CNTLN: variants seen among roughly 807,000 people sequenced by gnomAD.
CNTLN encodes centlein.
A neutral mutation model predicts 180.0 loss-of-function variants in CNTLN; 212 were observed. That is an observed-to-expected ratio of 1.18 (90% CI 1.05 to 1.32). The LOEUF is 1.32. Among genes scored for constraint, CNTLN ranks in the 40% most tolerant of loss-of-function variants. The probability of loss-of-function intolerance (pLI) is 0.00; values close to 1 mark genes in which losing one functional copy is unlikely to be tolerated. For missense variants in CNTLN, 2,095 were observed against 1,610.9 expected (o/e 1.30, Z -5.14); for synonymous variants, 722 against 563.1 (o/e 1.28, Z -3.99).
At position 17,502,757 on chromosome 9, in the gene CNTLN, GTCAGGT is replaced by G. The variant is rs1833820357; in HGVS notation, c.*109_*114del. ...ACGGTATCTGCTCCAACTATCAATA[GTCAGGT>G]TCAATACCAAAATAAGAAGTCTCTG... is the stretch of plus-strand genomic sequence containing the variant. On this transcript the variant is annotated 3_prime_UTR_variant, in exon 26 of 26. Coordinates refer to ENST00000380647, the MANE Select transcript of CNTLN (RefSeq NM_017738.4). 3 of 453,840 alleles carry G rather than the reference GTCAGGT, an allele frequency of 6.6e-6. No individual in the cohort carries two copies. The East Asian group carries it at 1.1e-4, about 17-fold the overall frequency. The allele number at this position is 453,840 out of a possible 1,614,324, so 28.1% of individuals were successfully genotyped here. A position where few individuals can be genotyped will look rare whatever the true frequency, so the allele number is the denominator to read the frequency against.
intron 13 of CNTLN, among the ~76,000 whole-genome samples, chr9:17,386,523 C>G (rs1228358103): frequency 6.6e-6 from 1 of 152,124 alleles, no homozygotes; most frequent in African/African-American, 2.4e-5. Flanking sequence ...TTCCCAAATC[C>G]TGGGATCCTT....
At chr9:17,454,557 T>A (rs1400376199) in intron 18 of CNTLN, among the ~76,000 whole-genome samples, 2 of 152,216 alleles carry the variant, frequency 1.3e-5, no homozygotes, top group Non-Finnish European at 2.9e-5. Context: ...TATATACGTG[T>A]TAAAGTTTTA....
intron 2 of CNTLN, among the ~76,000 whole-genome samples, chr9:17,175,360 CT>C (rs1820656374): frequency 6.6e-6 from 1 of 151,662 alleles, no homozygotes; most frequent in Non-Finnish European, 1.5e-5. Flanking sequence ...CTTTTTTTGC[CT>C]GTGGATGTCT....
At chr9:17,521,265 AAGAGAGAGAGAGAG>A in the CNTLN span, among the ~76,000 whole-genome samples, 2 of 118,508 alleles carry the variant, frequency 1.7e-5, no homozygotes, top group African/African-American at 6.3e-5. Context: ...AAGGGAGAAA[AAGAGAGAGAGAGAG>A]AGAGAGAGAG....
intron 19 of CNTLN, among the ~76,000 whole-genome samples, chr9:17,460,702 A>C (rs1178051323): frequency 6.6e-6 from 1 of 151,812 alleles, no homozygotes; most frequent in Non-Finnish European, 1.5e-5. Flanking sequence ...TCTCCAAGTC[A>C]GAGTTAACAG....
At chr9:17,246,646 C>T (rs1183460869) in intron 5 of CNTLN, among the ~76,000 whole-genome samples, 1 of 152,164 alleles carries the variant, frequency 6.6e-6, no homozygotes, top group Non-Finnish European at 1.5e-5. Context: ...GCAAGTTTGC[C>T]CTGGCCATGT....
intron 23 of CNTLN, among the ~76,000 whole-genome samples, chr9:17,476,167 T>G (rs567036994): frequency 1.3e-5 from 2 of 152,156 alleles, no homozygotes; most frequent in Non-Finnish European, 2.9e-5. Context: ...GTTATTATTT[T>G]AATTGTTTTG....
At chr9:17,314,183 T>A (rs560818505) in intron 8 of CNTLN, among the ~76,000 whole-genome samples, 189 of 152,360 alleles carry the variant, frequency 1.2e-3, no homozygotes, top group Non-Finnish European at 1.8e-3. Context: ...ATATAAGTCC[T>A]TGTTATAGTA....
chr9:17,267,059 G>T (rs367898086), intron 5 of CNTLN, among the ~76,000 whole-genome samples: 2 of 152,108 alleles, frequency 1.3e-5, no homozygotes, highest in Non-Finnish European at 2.9e-5. Flanking sequence ...ATGTTGTTAT[G>T]TGTGAATTTG....
rs914940700 is a variant in CNTLN, at chr9:17,444,647, C to G, written c.3115-12877C>G. 2.6e-5 allele frequency among the ~76,000 whole-genome samples: 4 copies of G among 151,986 alleles called. No homozygotes were observed. In the South Asian group the frequency reaches 8.3e-4, roughly 32 times the overall value. ...CTTGATTAATAAAAATGGAAGAACA[C>G]CTAGACTTACCCTCTTACTAAAGAT... On this transcript the variant is annotated intron_variant, in intron 18 of 25. Coordinates refer to ENST00000380647, the MANE Select transcript of CNTLN (RefSeq NM_017738.4).
rs112674051 is a variant in CNTLN, at chr9:17,269,232, T to A, written c.850-4501T>A. On this transcript the variant is annotated intron_variant, in intron 5 of 25. Transcript: ENST00000380647. ...TTCCAAATCCAACTCTTATTTAAAA[T>A]TTTTTTTCTATTGTTTTGTTATTTA... Among the ~76,000 whole-genome samples, 1,362 of 150,646 alleles carry A rather than the reference T, an allele frequency of 9.0e-3. 22 individuals are homozygous for A. Among genetic ancestry groups the A allele is most frequent in the African/African-American group, 0.032 (1,276 of 40,116 alleles).
At chr9:17,402,240 C>G (rs1465516490) in intron 15 of CNTLN, among the ~76,000 whole-genome samples, 1 of 151,742 alleles carries the variant, frequency 6.6e-6, no homozygotes, top group Non-Finnish European at 1.5e-5. Context: ...ATAAACAAAA[C>G]AAATAGGAAG....
At chr9:17,315,029 A>G (rs1290299098) in intron 8 of CNTLN, among the ~76,000 whole-genome samples, 1 of 152,192 alleles carries the variant, frequency 6.6e-6, no homozygotes, top group Admixed American at 6.5e-5. Flanking sequence ...CCCATAAAAT[A>G]TTATTGTTGT....
intron 13 of CNTLN, among the ~76,000 whole-genome samples, chr9:17,381,487 TTTTCCAAA>T (rs1214273443): frequency 6.6e-6 from 1 of 152,202 alleles, no homozygotes; most frequent in Non-Finnish European, 1.5e-5. Context: ...CAGGTGGCAG[TTTTCCAAA>T]TGTTTTGTAA....
intron 5 of CNTLN, among the ~76,000 whole-genome samples, chr9:17,239,047 C>T (rs79512743): frequency 0.12 from 18,965 of 151,944 alleles, 1,573 homozygotes; most frequent in African/African-American, 0.23. Context: ...TTTATTTGTT[C>T]GTTTGTTTGA....
chr9:17,500,901 G>T (rs1286707925), intron 25 of CNTLN, among the ~76,000 whole-genome samples: 1 of 152,118 alleles, frequency 6.6e-6, no homozygotes, highest in South Asian at 2.1e-4. Context: ...TGTAAAACTG[G>T]CATCTTTGTC....
chr9:17,154,803 G>T (rs148606229), intron 2 of CNTLN, among the ~76,000 whole-genome samples: 3 of 152,218 alleles, frequency 2.0e-5, no homozygotes, highest in Non-Finnish European at 4.4e-5. Context: ...TTATCAGGAC[G>T]TGGGCGGGGC....
chr9:17,143,872 T>C (rs542800797), intron 2 of CNTLN, among the ~76,000 whole-genome samples: 59 of 152,328 alleles, frequency 3.9e-4, no homozygotes, highest in African/African-American at 1.4e-3. Context: ...CTGTAGGAAC[T>C]GCCCAGTCAT....
At chr9:17,319,565 G>A (rs1007963445) in intron 8 of CNTLN, among the ~76,000 whole-genome samples, 1 of 152,160 alleles carries the variant, frequency 6.6e-6, no homozygotes, top group African/African-American at 2.4e-5. Context: ...TCTAGAGTCT[G>A]AATGCATGGA....
Sources: allele counts gnomAD v4.1 joint callset (sites outside exome capture counted in the v4.1 genomes callset), GRCh38; gene constraint gnomAD v4.1.1; transcripts MANE v1.5; gene names NCBI Gene and HGNC (gene_info 2026-07-23, HGNC 2026-07-21).